MAPK4: variants seen among roughly 807,000 people sequenced by gnomAD.
MAPK4 encodes the protein Erk3-related.
In MAPK4, 22 loss-of-function variants were observed where a neutral mutation model predicts 47.7. The observed-to-expected ratio is 0.46, with a 90% confidence interval of 0.33 to 0.66. The LOEUF is 0.66. Among genes scored for constraint, MAPK4 ranks in the 30% least tolerant of loss-of-function variants. MAPK4 has a pLI of 0.02. For synonymous variants in MAPK4, 390 were observed against 365.7 expected (o/e 1.07, Z -0.76); for missense variants, 736 against 831.7 (o/e 0.88, Z 1.42).
intron 1 of MAPK4, among the ~76,000 whole-genome samples, chr18:50,609,749 TGGAG>T (rs1209064506): frequency 6.6e-6 from 1 of 152,042 alleles, no homozygotes; most frequent in Non-Finnish European, 1.5e-5. Context: ...TAGTAAATGG[TGGAG>T]GGAGGATTTG....
chr18:50,575,716 A>G (rs1240198248), intron 1 of MAPK4, among the ~76,000 whole-genome samples: 1 of 148,552 alleles, frequency 6.7e-6, no homozygotes, highest in East Asian at 2.0e-4. Context: ...TGGAGAAAAT[A>G]TTTGTAAACT....
At chr18:50,592,042 G>A (rs1213374699) in intron 1 of MAPK4, among the ~76,000 whole-genome samples, 1 of 152,174 alleles carries the variant, frequency 6.6e-6, no homozygotes, top group South Asian at 2.1e-4. Context: ...GTCCTGGGAA[G>A]TTAATTAAGG....
intron 1 of MAPK4, among the ~76,000 whole-genome samples, chr18:50,599,138 T>A (rs2042511894): frequency 6.6e-6 from 1 of 152,210 alleles, no homozygotes; most frequent in African/African-American, 2.4e-5. Flanking sequence ...TAATATGATT[T>A]GAACAGAATT....
At chr18:50,649,425 G>A (rs1394494594) in intron 1 of MAPK4, among the ~76,000 whole-genome samples, 1 of 152,200 alleles carries the variant, frequency 6.6e-6, no homozygotes, top group Non-Finnish European at 1.5e-5. Flanking sequence ...CTGGACAGGT[G>A]AGGGTTCTGT....
rs567359172 is a variant in MAPK4, at chr18:50,570,143, ACAAGTGAC to A, written c.-871+9903_-871+9910del. ...TCTTAGAGACTGACAGGAGAGAAACACAAGTGACCAGCTGCTCTTTGCCTGACTGTGAC... is the reference window on the plus strand; with the variant it reads ...TCTTAGAGACTGACAGGAGAGAAACACAGCTGCTCTTTGCCTGACTGTGAC... On this transcript the variant is annotated intron_variant, in intron 1 of 5. Transcript: ENST00000400384. Among the ~76,000 whole-genome samples the A allele has an allele frequency of 2.1e-3, 321 of 152,356 alleles. 1 individual carries two copies. Among genetic ancestry groups the A allele is most frequent in the African/African-American group, 7.5e-3 (311 of 41,574 alleles).
intron 1 of MAPK4, among the ~76,000 whole-genome samples, chr18:50,617,644 A>G (rs573598956): frequency 6.6e-6 from 1 of 152,202 alleles, no homozygotes; most frequent in East Asian, 1.9e-4. Context: ...ATCATTGATT[A>G]TAACTCTCTT....
Position 50,663,846 on chromosome 18 carries a change from C to T in MAPK4, c.-113C>T, listed in dbSNP as rs1212652057. The T allele has an allele frequency of 2.2e-6, 2 of 910,564 alleles. No individual in the cohort carries two copies. Among genetic ancestry groups the T allele is most frequent in the Non-Finnish European group, 3.3e-6 (2 of 599,156 alleles). 56.4% of individuals were successfully genotyped at this position (910,564 alleles called of 1,614,324 possible). A position where few individuals can be genotyped will look rare whatever the true frequency, so the allele number is the denominator to read the frequency against. On this transcript the variant is annotated 5_prime_UTR_variant, in exon 2 of 6. Transcript: ENST00000400384. ...GACCTCACTAGGAGAAAACACATCC[C>T]TCAGCCGTGGGACTTGACAGAATGA... is the stretch of plus-strand genomic sequence containing the variant.
chr18:50,601,257 C>G (rs1299679276), intron 1 of MAPK4, among the ~76,000 whole-genome samples: 1 of 146,266 alleles, frequency 6.8e-6, no homozygotes, highest in Non-Finnish European at 1.5e-5. Flanking sequence ...TCGCTGGAGC[C>G]TGGGAGGTGG....
rs539999712 is a variant in MAPK4 at position 50,625,692 on chromosome 18, C to G, written c.-870-37397C>G. On this transcript the variant is annotated intron_variant, in intron 1 of 5. Coordinates refer to ENST00000400384, the MANE Select transcript of MAPK4 (RefSeq NM_002747.4). ...TGCCCATACCAAAGCCAGGCTGGAC[C>G]CAGGATTGGTGAGGTCTGAAGTTTA... 1.0e-3 allele frequency among the ~76,000 whole-genome samples: 152 copies of G among 152,070 alleles called. 1 individual carries two copies. The highest frequency in any genetic ancestry group is 3.3e-3 in the African/African-American group (136 of 41,450).
Position 50,722,042 on chromosome 18 carries a change from A to T in MAPK4, c.796A>T (p.Ser266Cys), listed in dbSNP as rs561889001. Residue 266 changes from serine to cysteine, a missense_variant, in exon 4 of 6, where the codon AGC (serine) becomes TGC (cysteine). Physicochemically the swap from Ser to Cys is moderately radical, Grantham distance 112. Coordinates refer to ENST00000400384, the MANE Select transcript of MAPK4 (RefSeq NM_002747.4). ...LLRVMPSFVSSTWEVKRPLRK... is the reference protein window; with the variant it reads ...LLRVMPSFVSCTWEVKRPLRK... ...CAGGGTGATGCCTTCCTTTGTCAGCAGCACCTGGGAGGTGAAGAGGCCTCT... is the reference window on the plus strand; with the variant it reads ...CAGGGTGATGCCTTCCTTTGTCAGCTGCACCTGGGAGGTGAAGAGGCCTCT... 6.2e-7 allele frequency: 1 copy of T among 1,613,816 alleles called. No homozygotes were observed. Among genetic ancestry groups the T allele is most frequent in the Admixed American group, 1.7e-5 (1 of 59,958 alleles).
At chr18:50,697,270 T>C (rs1203922665) in intron 2 of MAPK4, among the ~76,000 whole-genome samples, 1 of 152,200 alleles carries the variant, frequency 6.6e-6, no homozygotes, top group African/African-American at 2.4e-5. Flanking sequence ...CTGACTTTAC[T>C]CATCTGTAAA....
chr18:50,585,553 C>T (rs1008862782), intron 1 of MAPK4, among the ~76,000 whole-genome samples: 16 of 152,100 alleles, frequency 1.1e-4, no homozygotes, highest in African/African-American at 3.4e-4. Flanking sequence ...CCATAATGTG[C>T]AAAAGTATGA....
chr18:50,697,116 T>G (rs1257987980), intron 2 of MAPK4, among the ~76,000 whole-genome samples: 5 of 152,132 alleles, frequency 3.3e-5, no homozygotes, highest in African/African-American at 1.2e-4. Context: ...AGCAATGAGT[T>G]TTAGCAGACT....
intron 2 of MAPK4, among the ~76,000 whole-genome samples, chr18:50,707,569 CAAA>C (rs11419022): frequency 3.9e-3 from 280 of 72,498 alleles, no homozygotes; most frequent in South Asian, 0.019. Context: ...GCCTCTGTCT[CAAA>C]AAAAAAAAAA....
chr18:50,614,042 TTGATATCATTGAAA>T (rs1405531880), intron 1 of MAPK4, among the ~76,000 whole-genome samples: 4 of 152,236 alleles, frequency 2.6e-5, no homozygotes, highest in Non-Finnish European at 5.9e-5. Context: ...AGCTATGGTC[TTGATATCATTGAAA>T]GTTGGCAAAA....
intron 1 of MAPK4, among the ~76,000 whole-genome samples, chr18:50,598,699 A>T (rs762071781): frequency 1.3e-5 from 2 of 152,196 alleles, no homozygotes; most frequent in Non-Finnish European, 2.9e-5. Context: ...TTTCTGTTCC[A>T]GGATTCAGTC....
chr18:50,578,568 A>G (rs1381494580), intron 1 of MAPK4, among the ~76,000 whole-genome samples: 3 of 152,250 alleles, frequency 2.0e-5, no homozygotes, highest in Non-Finnish European at 4.4e-5. Flanking sequence ...TGATTGCTGC[A>G]AATCTACCTA....
intron 1 of MAPK4, among the ~76,000 whole-genome samples, chr18:50,627,057 G>A (rs549662626): frequency 1.8e-4 from 20 of 110,960 alleles, no homozygotes; most frequent in South Asian, 5.8e-4. Flanking sequence ...CCCGCCCCCC[G>A]CCCACTCATC....
chr18:50,699,456 G>C (rs977220906), intron 2 of MAPK4, among the ~76,000 whole-genome samples: 3 of 152,150 alleles, frequency 2.0e-5, no homozygotes, highest in Non-Finnish European at 4.4e-5. Flanking sequence ...AACCAAATTA[G>C]TGACTTAATA....
Sources: allele counts gnomAD v4.1 joint callset (sites outside exome capture counted in the v4.1 genomes callset), GRCh38; gene constraint gnomAD v4.1.1; transcripts MANE v1.5; gene names NCBI Gene and HGNC (gene_info 2026-07-23, HGNC 2026-07-21).